SLC29A3: variants seen among roughly 807,000 people sequenced by gnomAD.
The protein encoded by SLC29A3 is equilibrative nucleoside transporter 3.
Under a neutral mutation model 25.4 loss-of-function variants are expected in SLC29A3, and 18 were observed. That is an observed-to-expected ratio of 0.71 (90% CI 0.49 to 1.05). The LOEUF is 1.05. Ranked by LOEUF, SLC29A3 falls within the 50% of genes least tolerant of loss-of-function variation. SLC29A3 has a pLI of 0.00. For synonymous variants in SLC29A3, 258 were observed against 267.1 expected (o/e 0.97, Z 0.33); for missense variants, 586 against 609.0 (o/e 0.96, Z 0.40).
At chr10:71,349,584 G>A (rs1026723794) in intron 3 of SLC29A3, among the ~76,000 whole-genome samples, 9 of 152,086 alleles carry the variant, frequency 5.9e-5, no homozygotes, top group Non-Finnish European at 7.4e-5. Context: ...GTGTGGGTGT[G>A]GGCAACCTGG....
At chr10:71,343,210 C>T (rs908379612) in intron 2 of SLC29A3, among the ~76,000 whole-genome samples, 3 of 152,188 alleles carry the variant, frequency 2.0e-5, no homozygotes, top group African/African-American at 4.8e-5. Context: ...AAGCCATCCT[C>T]CCACCTTGGC....
chr10:71,356,239 G>C lies in SLC29A3; in HGVS notation c.769G>C (p.Ala257Pro), dbSNP rs1420369771. The change falls in exon 5 of 6, where the codon GCC becomes CCC. Residue 257 changes from alanine to proline, a missense_variant. Ala to Pro is a conservative substitution (Grantham distance 27). Transcript: ENST00000373189. ...LYLLLSRLEYARYYMRPVLAA... is the reference protein window; with the variant it reads ...LYLLLSRLEYPRYYMRPVLAA... ...CCTGCTGCTGTCCAGGCTGGAGTAT[G>C]CCAGGTGAAGGTGCCACTCACTGTC... is the stretch of plus-strand genomic sequence containing the variant. 6.2e-7 allele frequency: 1 copy of C among 1,613,330 alleles called. No individual in the cohort carries two copies. The highest frequency in any genetic ancestry group is 8.5e-7 in the Non-Finnish European group (1 of 1,180,042).
chr10:71,325,804 C>T (rs538174537), intron 2 of SLC29A3, among the ~76,000 whole-genome samples: 1 of 152,136 alleles, frequency 6.6e-6, no homozygotes, highest in Non-Finnish European at 1.5e-5. Flanking sequence ...GGCCTTCGAG[C>T]TACCAAGCCC....
At position 71,344,265 on chromosome 10, in the gene SLC29A3, G is replaced by A; in HGVS notation, c.357G>A (p.Leu119=). 1 of 1,614,032 alleles carries A rather than the reference G, an allele frequency of 6.2e-7. No homozygotes were observed. Among genetic ancestry groups the A allele is most frequent in the Middle Eastern group, 1.6e-4 (1 of 6,062 alleles). ...VASTVPSMLC[L]VANFLLVNRV... ...CCACCGTGCCCTCCATGCTGTGCCT[G>A]GTGGCCAACTTCCTGCTTGTCAACA... is the stretch of plus-strand genomic sequence containing the variant. The change falls in exon 3 of 6, where the codon CTG becomes CTA. Residue 119 remains leucine, a synonymous_variant. Transcript: ENST00000373189.
chr10:71,326,084 GT>G (rs942998943), intron 2 of SLC29A3, among the ~76,000 whole-genome samples: 1 of 151,472 alleles, frequency 6.6e-6, no homozygotes, highest in African/African-American at 2.4e-5. Flanking sequence ...TGCCTGACCA[GT>G]TTTTTTGTAT....
chr10:71,370,569 G>T (rs1847203755), intron 3 of SLC29A3, among the ~76,000 whole-genome samples: 1 of 152,018 alleles, frequency 6.6e-6, no homozygotes, highest in Admixed American at 6.6e-5. Context: ...TGTTGCTGAG[G>T]TTGGAGTGCA....
intron 2 of SLC29A3, among the ~76,000 whole-genome samples, chr10:71,329,834 G>A (rs1357174118): frequency 6.6e-6 from 1 of 152,232 alleles, no homozygotes; most frequent in Non-Finnish European, 1.5e-5. Flanking sequence ...AACAGGCAAA[G>A]GCTACATCAT....
At chr10:71,336,677 G>A (rs991254558) in intron 2 of SLC29A3, among the ~76,000 whole-genome samples, 1 of 151,744 alleles carries the variant, frequency 6.6e-6, no homozygotes, top group African/African-American at 2.4e-5. Context: ...AAGAAAGGTG[G>A]GATTCATGGT....
chr10:71,344,095 G>A, intron 2 of SLC29A3, 114 bp from the exon 3 acceptor site: 2 of 876,260 alleles, frequency 2.3e-6, no homozygotes, highest in South Asian at 2.6e-5. Flanking sequence ...GCTCCTGGGT[G>A]TCTGAAGACA....
At chr10:71,344,999 G>A (rs975280468) in intron 3 of SLC29A3, among the ~76,000 whole-genome samples, 1 of 152,178 alleles carries the variant, frequency 6.6e-6, no homozygotes, top group Non-Finnish European at 1.5e-5. Flanking sequence ...GTTTTGCCCA[G>A]TTCTAATCAA....
chr10:71,328,357 C>CTAT (rs1564527168), intron 2 of SLC29A3, among the ~76,000 whole-genome samples: 1 of 151,982 alleles, frequency 6.6e-6, no homozygotes, highest in Non-Finnish European at 1.5e-5. Context: ...GGGCTCCATG[C>CTAT]CTGGGTCTTC....
chr10:71,349,959 A>G (rs57432530), intron 3 of SLC29A3, among the ~76,000 whole-genome samples: 2,646 of 152,256 alleles, frequency 0.017, 83 homozygotes, highest in African/African-American at 0.061. Flanking sequence ...GTGAGATGAC[A>G]TATCTGTTGC....
intron 2 of SLC29A3, among the ~76,000 whole-genome samples, chr10:71,340,359 C>T (rs966085947): frequency 1.3e-5 from 2 of 152,202 alleles, no homozygotes; most frequent in African/African-American, 4.8e-5. Context: ...GGTCTGGTGC[C>T]CCTGGAGTTG....
intron 4 of SLC29A3, among the ~76,000 whole-genome samples, chr10:71,379,557 G>A (rs937863147): frequency 1.3e-5 from 2 of 152,166 alleles, no homozygotes; most frequent in Non-Finnish European, 2.9e-5. Context: ...ACCTCGTGAG[G>A]GAAGTGGCTC....
chr10:71,380,993 G>C (rs1406440892), exon 5 of SLC29A3: 2 of 152,064 alleles, frequency 1.3e-5, no homozygotes, highest in Non-Finnish European at 2.9e-5. Context: ...TGATCAACTC[G>C]AGGTCAATCT....
At chr10:71,369,066 T>C (rs1448713560) in intron 3 of SLC29A3, among the ~76,000 whole-genome samples, 1 of 152,158 alleles carries the variant, frequency 6.6e-6, no homozygotes, top group Non-Finnish European at 1.5e-5. Context: ...TGAATGTGAT[T>C]AGTAACCTTA....
At chr10:71,325,562 C>T (rs1270031779) in intron 2 of SLC29A3, among the ~76,000 whole-genome samples, 2 of 152,212 alleles carry the variant, frequency 1.3e-5, no homozygotes, top group African/African-American at 4.8e-5. Context: ...CCTCAACTCC[C>T]CCCATGATCT....
intron 4 of SLC29A3, among the ~76,000 whole-genome samples, chr10:71,355,725 T>A (rs1036933443): frequency 6.6e-6 from 1 of 152,050 alleles, no homozygotes; most frequent in African/African-American, 2.4e-5. Context: ...AAATCTAAAA[T>A]TTCAGCCCCC....
In SLC29A3 at chr10:71,319,287, C is replaced by T. The variant is rs771479944; in HGVS notation, c.-23C>T. On this transcript the variant is annotated 5_prime_UTR_variant, in exon 1 of 6. Transcript: ENST00000373189. The stretch of plus-strand genomic sequence containing the variant: ...GGTCCTGGCCGTGCGCCGGAGGCAG[C>T]GGCGGCGTGGCGCAGCGGCGACAGT... 2.6e-4 allele frequency: 166 copies of T among 632,112 alleles called. No individual in the cohort carries two copies. The highest frequency in any genetic ancestry group is 3.5e-4 in the Non-Finnish European group (124 of 352,126). 39.2% of individuals were successfully genotyped at this position (632,112 alleles called of 1,614,324 possible).
Sources: gnomAD v4.1 joint callset for allele counts (sites outside exome capture counted in the v4.1 genomes callset) on GRCh38, gnomAD v4.1.1 for gene constraint, MANE v1.5 for transcripts, NCBI Gene and HGNC (gene_info 2026-07-23, HGNC 2026-07-21) for gene names.